The following DNM2 variants were observed in gnomAD, a reference collection of about 807,000 sequenced individuals.
DNM2 encodes dynamin-2.
A neutral mutation model predicts 99.0 loss-of-function variants in DNM2; 15 were observed. The ratio of observed to expected loss-of-function variants is 0.15; its 90% confidence interval spans 0.10 to 0.23. The LOEUF (loss-of-function observed/expected upper bound fraction) is 0.23, where lower values mean the gene tolerates loss of function less well. Ranked by LOEUF, DNM2 falls within the 10% of genes least tolerant of loss-of-function variation. The probability of loss-of-function intolerance (pLI) is 1.00; values close to 1 mark genes in which losing one functional copy is unlikely to be tolerated. For synonymous variants in DNM2, 525 were observed against 481.2 expected, an observed-to-expected ratio of 1.09 and a Z score of -1.19; for missense variants, 742 against 1,189.4, an observed-to-expected ratio of 0.62 and a Z score of 5.53.
intron 1 of DNM2, among the ~76,000 whole-genome samples, chr19:10,756,402 G>T (rs1047023384): frequency 3.3e-5 from 5 of 152,140 alleles, no homozygotes. Flanking sequence ...CAGTGAGAAA[G>T]GTTCGCTCCT....
chr19:10,801,902 C>T (rs2072157775), intron 11 of DNM2, among the ~76,000 whole-genome samples: 1 of 140,402 alleles, frequency 7.1e-6, no homozygotes, highest in South Asian at 2.3e-4. Flanking sequence ...AAGACTCCGT[C>T]TCGAAGAAAA....
intron 1 of DNM2, among the ~76,000 whole-genome samples, chr19:10,746,661 C>A (rs1369730795): frequency 2.0e-5 from 3 of 151,138 alleles, no homozygotes; most frequent in Non-Finnish European, 4.4e-5. Context: ...CTCAGGTGAT[C>A]TACCTGCCTC....
intron 1 of DNM2, among the ~76,000 whole-genome samples, chr19:10,757,168 C>T (rs549939095): frequency 2.0e-5 from 3 of 152,252 alleles, no homozygotes; most frequent in Admixed American, 6.5e-5. Context: ...CCAGCAGCGC[C>T]CCTGGGGGGT....
At chr19:10,786,367 C>A in intron 6 of DNM2, 197 bp from the exon 7 acceptor site, 1 of 863,028 alleles carries the variant, frequency 1.2e-6, no homozygotes, top group Non-Finnish European at 1.8e-6. Flanking sequence ...CACTCATGGG[C>A]AGCTCCGTGC....
chr19:10,775,615 A>T lies in DNM2; in HGVS notation c.386-88A>T, dbSNP rs985087814. ...CCTCAAGTCTGAGCCCCGCGCAGGA[A>T]CTTTGGTAGTCAGCTGGGTGGCTGC... On this transcript the variant is annotated intron_variant, in intron 3 of 20. Coordinates refer to ENST00000389253, the MANE Select transcript of DNM2 (RefSeq NM_001005361.3). This position sits in a 1 kb window ranked among gnomAD's most constrained non-coding sequence, Gnocchi z 4.3. 2.7e-6 allele frequency: 4 copies of T among 1,466,670 alleles called. No homozygotes were observed. Among genetic ancestry groups the T allele is most frequent in the Middle Eastern group, 1.7e-4 (1 of 5,784 alleles). The allele number at this position is 1,466,670 out of a possible 1,614,324, so 90.9% of individuals were successfully genotyped here. A position where few individuals can be genotyped will look rare whatever the true frequency, so the allele number is the denominator to read the frequency against.
Position 10,831,189 on chromosome 19 carries a change from G to C in DNM2, c.*142G>C. On this transcript the variant is annotated 3_prime_UTR_variant, in exon 21 of 21. Transcript: ENST00000389253. The surrounding 1 kb of genome is among the most constrained non-coding windows in gnomAD (Gnocchi z 4.3). ...GGCCTCTTCCTTAACGCTGGCCCCG[G>C]TCCAGGGCCGGCCCCTGTGCCTGGC... 2 of 1,401,558 alleles carry C rather than the reference G, an allele frequency of 1.4e-6. No individual in the cohort carries two copies. The highest frequency in any genetic ancestry group is 3.1e-5 in the Admixed American group (1 of 32,558). The allele number at this position is 1,401,558 out of a possible 1,614,324, so 86.8% of individuals were successfully genotyped here.
chr19:10,741,504 C>A (rs2069745792), intron 1 of DNM2, among the ~76,000 whole-genome samples: 1 of 151,894 alleles, frequency 6.6e-6, no homozygotes, highest in African/African-American at 2.4e-5. Flanking sequence ...GCTGAGATTA[C>A]AGGCATGAGC....
intron 1 of DNM2, among the ~76,000 whole-genome samples, chr19:10,747,439 A>G (rs1173278540): frequency 6.6e-6 from 1 of 152,138 alleles, no homozygotes; most frequent in African/African-American, 2.4e-5. Flanking sequence ...TGTCCCTTGG[A>G]TGAGACCAGG....
At chr19:10,731,102 C>G (rs1308553360) in intron 1 of DNM2, among the ~76,000 whole-genome samples, 1 of 152,126 alleles carries the variant, frequency 6.6e-6, no homozygotes, top group Non-Finnish European at 1.5e-5. Flanking sequence ...GGAGCAGCCC[C>G]AGCCAGGGTG....
intron 1 of DNM2, among the ~76,000 whole-genome samples, chr19:10,758,451 C>T (rs1419132856): frequency 3.1e-5 from 2 of 64,370 alleles, no homozygotes; most frequent in African/African-American, 6.8e-5. Flanking sequence ...CCTTCCTTCC[C>T]TCCCTCCTTC....
In DNM2 at chr19:10,795,947, C is replaced by G. The variant is rs1420247465; in HGVS notation, c.1196+508C>G. 3 of 1,568,506 alleles carry G rather than the reference C, an allele frequency of 1.9e-6. No individual in the cohort carries two copies. In the East Asian group the frequency reaches 6.7e-5, roughly 35 times the overall value. On this transcript the variant is annotated intron_variant, in intron 9 of 20. Transcript: ENST00000389253. The surrounding 1 kb of genome is among the most constrained non-coding windows in gnomAD (Gnocchi z 4.2). ...GTGGACTCAGGCATCCGACCCCACA[C>G]ATGACACAACCTTCATTCCTTGTTG...
intron 7 of DNM2, among the ~76,000 whole-genome samples, chr19:10,792,930 A>C (rs971805875): frequency 4.6e-5 from 7 of 152,178 alleles, no homozygotes; most frequent in African/African-American, 1.7e-4. Flanking sequence ...TTTTAATAAA[A>C]TGTGGTCTCA....
chr19:10,829,311 A>C, intron 19 of DNM2, 43 bp downstream of exon 19: 1 of 1,601,386 alleles, frequency 6.2e-7, no homozygotes. Flanking sequence ...TTCGGCCTGC[A>C]GGTTCCTGCC....
chr19:10,825,737 C>T (rs945220917), intron 18 of DNM2, among the ~76,000 whole-genome samples: 5 of 151,172 alleles, frequency 3.3e-5, no homozygotes, highest in Non-Finnish European at 7.4e-5. Context: ...TGCCTGTAAT[C>T]CAGCTACCCG....
intron 1 of DNM2, among the ~76,000 whole-genome samples, chr19:10,744,689 C>T (rs1352466368): frequency 6.6e-6 from 1 of 152,136 alleles, no homozygotes; most frequent in East Asian, 1.9e-4. Context: ...TTCACTTTGC[C>T]CTGGCAACTG....
intron 2 of DNM2, among the ~76,000 whole-genome samples, chr19:10,770,855 A>T (rs1390074641): frequency 1.3e-5 from 2 of 152,118 alleles, no homozygotes; most frequent in African/African-American, 4.8e-5. Context: ...AACACAAGGG[A>T]ATTATGGGAG....
Position 10,816,262 on chromosome 19 carries a change from A to C in DNM2, c.1672-3718A>C, listed in dbSNP as rs2072736827. Among the ~76,000 whole-genome samples the C allele has an allele frequency of 6.6e-6, 1 of 152,034 alleles. No individual in the cohort carries two copies. The highest frequency in any genetic ancestry group is 1.5e-5 in the Non-Finnish European group (1 of 67,988). ...CTTGACTGAGGACATTGGGGGTGAAAGGATCATCCCGCTCCACATGAGGCC... is the reference window on the plus strand; with the variant it reads ...CTTGACTGAGGACATTGGGGGTGAACGGATCATCCCGCTCCACATGAGGCC... On this transcript the variant is annotated intron_variant, in intron 15 of 20. Coordinates refer to ENST00000389253, the MANE Select transcript of DNM2 (RefSeq NM_001005361.3). The surrounding 1 kb of genome is among the most constrained non-coding windows in gnomAD (Gnocchi z 4.6).
chr19:10,753,195 G>T (rs1332955368), intron 1 of DNM2, among the ~76,000 whole-genome samples: 1 of 152,188 alleles, frequency 6.6e-6, no homozygotes, highest in East Asian at 1.9e-4. Context: ...TAGAGTCAGT[G>T]TTGAATAGCT....
chr19:10,830,424 G>A lies in DNM2; in HGVS notation c.2543+46G>A. ...TCCACCCCAACTGCCTGCACCCTGG[G>A]GTCTCTCCTCCTGTCTCACTTCCTC... On this transcript the variant is annotated intron_variant, in intron 20 of 20. Coordinates refer to ENST00000389253, the MANE Select transcript of DNM2 (RefSeq NM_001005361.3). This position sits in a 1 kb window ranked among gnomAD's most constrained non-coding sequence, Gnocchi z 4.8. The A allele has an allele frequency of 6.3e-7, 1 of 1,593,872 alleles. No homozygotes were observed. Among genetic ancestry groups the A allele is most frequent in the African/African-American group, 1.3e-5 (1 of 74,888 alleles).
Sources: allele counts gnomAD v4.1 joint callset (sites outside exome capture counted in the v4.1 genomes callset), GRCh38; gene constraint gnomAD v4.1.1; non-coding constraint Gnocchi (gnomAD v3.1); transcripts MANE v1.5; gene names NCBI Gene and HGNC (gene_info 2026-07-23, HGNC 2026-07-21).